Variants in DUSP22 observed in about 807,000 individuals in gnomAD.
DUSP22 encodes dual specificity protein phosphatase 22.
In DUSP22, 24 loss-of-function variants were observed where a neutral mutation model predicts 24.5. The ratio of observed to expected loss-of-function variants is 0.98; its 90% CI spans 0.71 to 1.38. The LOEUF (loss-of-function observed/expected upper bound fraction) is 1.38, where lower values mean the gene tolerates loss of function less well. DUSP22 is among the 40% of genes most tolerant of loss of function. DUSP22 has a pLI of 0.00. For missense variants in DUSP22, 330 were observed against 269.2 expected (o/e 1.23, Z -1.58); for synonymous variants, 160 against 106.4 (o/e 1.50, Z -3.10).
rs200764547 is a variant in DUSP22, at chr6:345,962, G to A, written c.263+34G>A. 1.2e-4 allele frequency: 200 copies of A among 1,611,766 alleles called. 1 individual carries two copies. Among genetic ancestry groups the A allele is most frequent in the Middle Eastern group, 6.6e-4 (4 of 6,056 alleles). ...GTCTCTTGCTTAATAGCGCCTTAGC[G>A]TATTCTGGTCGGCTTGGCTTCCCAT... is the stretch of plus-strand genomic sequence containing the variant. On this transcript the variant is annotated intron_variant, in intron 5 of 6. Coordinates refer to ENST00000419235, the MANE Select transcript of DUSP22 (RefSeq NM_001286555.3).
chr6:347,131 T>TCC (rs1759923279), intron 5 of DUSP22, among the ~76,000 whole-genome samples: 2 of 152,302 alleles, frequency 1.3e-5, no homozygotes, highest in African/African-American at 2.4e-5. Context: ...ATTCTGGAAC[T>TCC]CCCACTCCTG....
At chr6:304,899 CTA>C (rs10557600) in intron 2 of DUSP22, among the ~76,000 whole-genome samples, 151,862 of 152,422 alleles carry the variant, frequency 1, 75,651 homozygotes, top group Non-Finnish European at 1. Context: ...CTTTCTGCCT[CTA>C]TGAATCTCAC....
At chr6:326,531 G>A (rs1355366558) in intron 3 of DUSP22, among the ~76,000 whole-genome samples, 1 of 112,362 alleles carries the variant, frequency 8.9e-6, no homozygotes, top group East Asian at 3.5e-4. Context: ...CCGCGTCCTG[G>A]TGTGTGCAGT....
At chr6:316,432 C>T (rs141415739) in intron 3 of DUSP22, among the ~76,000 whole-genome samples, 325 of 152,310 alleles carry the variant, frequency 2.1e-3, no homozygotes, top group African/African-American at 7.6e-3. Flanking sequence ...AGGACTTTGT[C>T]AGGGAGTTGC....
intron 3 of DUSP22, among the ~76,000 whole-genome samples, chr6:321,968 T>C (rs1204253821): frequency 2.0e-5 from 3 of 152,304 alleles, no homozygotes; most frequent in Admixed American, 2.0e-4. Flanking sequence ...TCATGTGATA[T>C]TCATCACTGG....
intron 4 of DUSP22, among the ~76,000 whole-genome samples, chr6:336,264 C>A (rs1478667564): frequency 6.6e-6 from 1 of 152,288 alleles, no homozygotes; most frequent in Non-Finnish European, 1.5e-5. Context: ...AGCAACCCTC[C>A]TAGAACTGTG....
In DUSP22 at chr6:349,216, T is replaced by C; in HGVS notation, c.*265T>C. 1.4e-6 allele frequency: 2 copies of C among 1,390,410 alleles called. No individual in the cohort carries two copies. The highest frequency in any genetic ancestry group is 1.9e-6 in the Non-Finnish European group (2 of 1,072,338). The allele number at this position is 1,390,410 out of a possible 1,614,324, so 86.1% of individuals were successfully genotyped here. A position where few individuals can be genotyped will look rare whatever the true frequency, so the allele number is the denominator to read the frequency against. ...ACTGCTCTGTGCACGTGCGTGTGTG[T>C]GAGTGCACTTGTGTGTGGGTGACTA... On this transcript the variant is annotated 3_prime_UTR_variant, in exon 7 of 7. Coordinates refer to ENST00000419235, the MANE Select transcript of DUSP22 (RefSeq NM_001286555.3).
intron 3 of DUSP22, among the ~76,000 whole-genome samples, chr6:317,868 G>C (rs918571190): frequency 1.3e-5 from 2 of 152,272 alleles, no homozygotes; most frequent in Admixed American, 1.3e-4. Context: ...GTCTTATCAC[G>C]CATTTAGCCC....
chr6:339,396 GATT>G (rs796134496), intron 4 of DUSP22, among the ~76,000 whole-genome samples: 428 of 152,174 alleles, frequency 2.8e-3, no homozygotes, highest in African/African-American at 9.6e-3. Context: ...CTGGAAATAT[GATT>G]ATATTTTCTG....
chr6:292,692 C>CG (rs199630627), intron 1 of DUSP22, 132 bp downstream of exon 1: 1 of 1,317,170 alleles, frequency 7.6e-7, no homozygotes, highest in Non-Finnish European at 9.9e-7. Context: ...GAGGGAGGGG[C>CG]GGCGCGCCTG....
At chr6:311,207 A>G (rs530558939) in intron 2 of DUSP22, among the ~76,000 whole-genome samples, 526 of 152,290 alleles carry the variant, frequency 3.5e-3, no homozygotes, top group Middle Eastern at 0.01. Flanking sequence ...ACTTGGCATC[A>G]GTCTAGGGAC....
chr6:308,901 G>A (rs1384547618), intron 2 of DUSP22, among the ~76,000 whole-genome samples: 1 of 152,310 alleles, frequency 6.6e-6, no homozygotes, highest in African/African-American at 2.4e-5. Context: ...GGGTGGGTCA[G>A]ATGAGCTGGC....
chr6:294,531 T>G (rs1471584733), intron 1 of DUSP22, among the ~76,000 whole-genome samples: 1 of 152,280 alleles, frequency 6.6e-6, no homozygotes, highest in Non-Finnish European at 1.5e-5. Flanking sequence ...ATATTTTATT[T>G]AACAATATAT....
At chr6:344,792 C>T (rs1759776907) in intron 4 of DUSP22, among the ~76,000 whole-genome samples, 1 of 152,302 alleles carries the variant, frequency 6.6e-6, no homozygotes, top group East Asian at 1.9e-4. Context: ...TGCCAAAGTC[C>T]CGGGAGACCA....
intron 1 of DUSP22, among the ~76,000 whole-genome samples, chr6:298,020 C>A (rs1581140750): frequency 6.6e-6 from 1 of 152,308 alleles, no homozygotes; most frequent in East Asian, 1.9e-4. Context: ...TGGAGAGGAG[C>A]CTCCTGCAGG....
At chr6:324,661 C>T (rs965365706) in intron 3 of DUSP22, among the ~76,000 whole-genome samples, 2 of 152,308 alleles carry the variant, frequency 1.3e-5, no homozygotes, top group Admixed American at 1.3e-4. Context: ...CAGCACCCTG[C>T]TCTGGGTCAG....
intron 3 of DUSP22, among the ~76,000 whole-genome samples, chr6:334,083 C>G (rs111752862): frequency 3.0e-3 from 454 of 152,242 alleles, no homozygotes; most frequent in African/African-American, 0.01. Context: ...TGACTAATTA[C>G]TGAAGATGCG....
intron 3 of DUSP22, among the ~76,000 whole-genome samples, chr6:313,131 A>G (rs1330366751): frequency 6.6e-6 from 1 of 152,310 alleles, no homozygotes; most frequent in Non-Finnish European, 1.5e-5. Flanking sequence ...AATACAGCCA[A>G]GCTATGGCCA....
At chr6:306,741 C>A (rs552418081) in intron 2 of DUSP22, among the ~76,000 whole-genome samples, 1 of 152,310 alleles carries the variant, frequency 6.6e-6, no homozygotes, top group Non-Finnish European at 1.5e-5. Context: ...ACAAGCTTAT[C>A]GGGAACACAC....
Sources: gnomAD v4.1 joint callset for allele counts (sites outside exome capture counted in the v4.1 genomes callset) on GRCh38, gnomAD v4.1.1 for gene constraint, MANE v1.5 for transcripts, NCBI Gene and HGNC (gene_info 2026-07-23, HGNC 2026-07-21) for gene names.